SDK1: variants seen among roughly 807,000 people sequenced by gnomAD.
SDK1 encodes sidekick cell adhesion molecule 1, also known as protein sidekick-1.
In SDK1, 157 loss-of-function variants were observed where a neutral mutation model predicts 245.5. The observed-to-expected ratio is 0.64, with a 90% CI of 0.56 to 0.73. SDK1 has a LOEUF of 0.73. Ranked by LOEUF, SDK1 falls within the 30% of genes least tolerant of loss-of-function variation. The pLI is 0.00. For missense variants in SDK1, 3,583 were observed against 3,002.3 expected (o/e 1.19, Z -4.52); for synonymous variants, 1,647 against 1,278.5 (o/e 1.29, Z -6.15).
intron 5 of SDK1, among the ~76,000 whole-genome samples, chr7:3,939,877 C>T (rs527580973): frequency 2.9e-4 from 44 of 152,282 alleles, no homozygotes; most frequent in African/African-American, 9.1e-4. Context: ...ACAGTCTTCA[C>T]GTAGTCCCAA....
chr7:3,751,347 C>A (rs1403936425), intron 4 of SDK1, among the ~76,000 whole-genome samples: 1 of 151,986 alleles, frequency 6.6e-6, no homozygotes, highest in Non-Finnish European at 1.5e-5. Context: ...TCAGCACCTC[C>A]CTTCATGAAT....
At chr7:4,244,829 T>C (rs561213538) in intron 43 of SDK1, among the ~76,000 whole-genome samples, 1 of 152,324 alleles carries the variant, frequency 6.6e-6, no homozygotes, top group South Asian at 2.1e-4. Flanking sequence ...GGCCCCAGCC[T>C]CTTCTTGGCC....
chr7:3,813,104 T>G (rs1347682405), intron 4 of SDK1, among the ~76,000 whole-genome samples: 2 of 151,988 alleles, frequency 1.3e-5, no homozygotes, highest in Non-Finnish European at 2.9e-5. Context: ...TTATTTTTAT[T>G]TATTTATTTA....
chr7:3,484,436 C>G (rs541879870), intron 1 of SDK1, among the ~76,000 whole-genome samples: 1 of 152,236 alleles, frequency 6.6e-6, no homozygotes, highest in Non-Finnish European at 1.5e-5. Flanking sequence ...ACATGAGGGT[C>G]CTGGAACTAG....
intron 1 of SDK1, among the ~76,000 whole-genome samples, chr7:3,551,070 T>A (rs1389042197): frequency 9.2e-5 from 14 of 152,242 alleles, no homozygotes; most frequent in African/African-American, 3.4e-4. Context: ...TAACCTACTT[T>A]TACATCCTGC....
At chr7:3,865,676 T>G (rs1357279718) in intron 5 of SDK1, among the ~76,000 whole-genome samples, 1 of 151,380 alleles carries the variant, frequency 6.6e-6, no homozygotes, top group East Asian at 1.9e-4. Flanking sequence ...GTCTGGCTTA[T>G]TTTTTTCTTT....
intron 1 of SDK1, among the ~76,000 whole-genome samples, chr7:3,391,966 A>AATGTATATATAT (rs1301290966): frequency 2.1e-5 from 3 of 143,974 alleles, no homozygotes; most frequent in Admixed American, 6.9e-5. Flanking sequence ...TATATCATGT[A>AATGTATATATAT]ATATATATAT....
intron 1 of SDK1, among the ~76,000 whole-genome samples, chr7:3,340,556 A>T (rs1333354822): frequency 2.0e-5 from 3 of 152,126 alleles, no homozygotes; most frequent in Admixed American, 6.5e-5. Context: ...AGCTCAGGAG[A>T]TCGAGACCAT....
intron 17 of SDK1, among the ~76,000 whole-genome samples, chr7:4,020,676 A>G (rs1786816657): frequency 1.3e-5 from 2 of 152,204 alleles, no homozygotes; most frequent in South Asian, 4.1e-4. Flanking sequence ...GACGTTTCAC[A>G]CACACGTGTA....
chr7:3,769,212 T>A (rs1780338426), intron 4 of SDK1, among the ~76,000 whole-genome samples: 1 of 152,216 alleles, frequency 6.6e-6, no homozygotes, highest in South Asian at 2.1e-4. Flanking sequence ...TTAGAATACC[T>A]GAAGCTGGGT....
intron 4 of SDK1, among the ~76,000 whole-genome samples, chr7:3,668,138 T>C (rs1783592812): frequency 6.6e-6 from 1 of 152,202 alleles, no homozygotes. Context: ...CCATTCTCAT[T>C]ATGTTTTACT....
At chr7:3,550,886 G>A (rs1779381353) in intron 1 of SDK1, among the ~76,000 whole-genome samples, 1 of 152,138 alleles carries the variant, frequency 6.6e-6, no homozygotes, top group African/African-American at 2.4e-5. Flanking sequence ...CAATACTGCT[G>A]TGGAGCCTAG....
chr7:4,030,917 A>G (rs148960845), intron 17 of SDK1, among the ~76,000 whole-genome samples: 23 of 152,222 alleles, frequency 1.5e-4, no homozygotes, highest in African/African-American at 5.3e-4. Flanking sequence ...CTACTACACT[A>G]TGAGCTCCAT....
chr7:3,346,379 T>C (rs898027169), intron 1 of SDK1, among the ~76,000 whole-genome samples: 1 of 152,108 alleles, frequency 6.6e-6, no homozygotes, highest in Non-Finnish European at 1.5e-5. Context: ...TTCACTTTCT[T>C]CCTAGGCTTG....
chr7:4,071,016 T>G (rs1210724712), intron 20 of SDK1, among the ~76,000 whole-genome samples: 1 of 151,078 alleles, frequency 6.6e-6, no homozygotes, highest in Non-Finnish European at 1.5e-5. Flanking sequence ...CTTTGTGGGG[T>G]TTTTAATTTT....
chr7:3,652,669 C>G (rs938812319), intron 4 of SDK1, among the ~76,000 whole-genome samples: 3 of 152,142 alleles, frequency 2.0e-5, no homozygotes, highest in Non-Finnish European at 4.4e-5. Context: ...ACATGCCAGA[C>G]TTATGGGGAC....
chr7:3,406,226 C>T (rs1017837625), intron 1 of SDK1, among the ~76,000 whole-genome samples: 6 of 152,338 alleles, frequency 3.9e-5, no homozygotes, highest in Non-Finnish European at 7.3e-5. Context: ...ATTACCATCT[C>T]TCTGATCCGC....
intron 1 of SDK1, among the ~76,000 whole-genome samples, chr7:3,520,546 T>C (rs1562536574): frequency 6.6e-6 from 1 of 152,218 alleles, no homozygotes; most frequent in Non-Finnish European, 1.5e-5. Flanking sequence ...ATAAATCTCT[T>C]ACTTATATCA....
chr7:3,844,258 C>T (rs372628617), intron 5 of SDK1, among the ~76,000 whole-genome samples: 1 of 152,202 alleles, frequency 6.6e-6, no homozygotes, highest in African/African-American at 2.4e-5. Context: ...GGCCATGAGC[C>T]ACCGCCCCTG....
Sources: allele counts gnomAD v4.1 joint callset (sites outside exome capture counted in the v4.1 genomes callset), GRCh38; gene constraint gnomAD v4.1.1; transcripts MANE v1.5; gene names NCBI Gene and HGNC (gene_info 2026-07-23, HGNC 2026-07-21).